The following DAPK1 variants were observed in gnomAD, a reference collection of about 807,000 sequenced individuals.
The protein encoded by DAPK1 is death-associated protein kinase 1.
Under a neutral mutation model 144.9 loss-of-function variants are expected in DAPK1, and 56 were observed. The observed-to-expected ratio is 0.39, with a 90% confidence interval of 0.31 to 0.48. The LOEUF (loss-of-function observed/expected upper bound fraction) is 0.48, where lower values mean the gene tolerates loss of function less well. Ranked by LOEUF, DAPK1 falls within the 20% of genes least tolerant of loss-of-function variation. DAPK1 has a pLI of 0.95. For missense variants in DAPK1, 1,454 were observed against 1,875.4 expected (o/e 0.78, Z 4.15); for synonymous variants, 690 against 749.0 (o/e 0.92, Z 1.29).
intron 2 of DAPK1, among the ~76,000 whole-genome samples, chr9:87,571,476 A>ACCCCAACACAC (rs771023885): frequency 1.6e-4 from 8 of 48,560 alleles, no homozygotes; most frequent in South Asian, 9.8e-4. Flanking sequence ...CACACACACC[A>ACCCCAACACAC]ACACACACAC....
At chr9:87,536,395 G>A (rs1339921197) in intron 2 of DAPK1, among the ~76,000 whole-genome samples, 1 of 152,106 alleles carries the variant, frequency 6.6e-6, no homozygotes, top group Non-Finnish European at 1.5e-5. Context: ...TTATGATGCT[G>A]ACTTTTTCCT....
At chr9:87,629,307 G>A (rs372138538) in intron 3 of DAPK1, among the ~76,000 whole-genome samples, 2 of 152,180 alleles carry the variant, frequency 1.3e-5, no homozygotes, top group African/African-American at 4.8e-5. Flanking sequence ...TACAAGCCCA[G>A]GAGCACAGAG....
intron 3 of DAPK1, among the ~76,000 whole-genome samples, chr9:87,634,435 C>T (rs1587793059): frequency 6.6e-6 from 1 of 152,158 alleles, no homozygotes; most frequent in Non-Finnish European, 1.5e-5. Context: ...GGTTTGGCAT[C>T]GTCGTACTTC....
chr9:87,699,162 C>A (rs1825375199), intron 23 of DAPK1, among the ~76,000 whole-genome samples: 1 of 152,198 alleles, frequency 6.6e-6, no homozygotes, highest in Non-Finnish European at 1.5e-5. Flanking sequence ...TAGGGATGCA[C>A]AACCTTTATT....
chr9:87,636,376 A>C (rs563365672), intron 3 of DAPK1, among the ~76,000 whole-genome samples: 1 of 152,224 alleles, frequency 6.6e-6, no homozygotes, highest in African/African-American at 2.4e-5. Context: ...ATCCCCGTAA[A>C]CCAGTGGGAG....
Position 87,686,800 on chromosome 9 carries a change from A to T in DAPK1, c.2413+61A>T. 1.4e-6 allele frequency: 2 copies of T among 1,429,794 alleles called. No homozygotes were observed. The highest frequency in any genetic ancestry group is 1.9e-5 in the Admixed American group (1 of 51,644). The allele number at this position is 1,429,794 out of a possible 1,614,324, so 88.6% of individuals were successfully genotyped here. ...TTTCCCTTCAACAGGGTTGTAAGTC[A>T]TCCCTAAAGGGAGCTTGTCCTGAGC... On this transcript the variant is annotated intron_variant, in intron 21 of 25. Coordinates refer to ENST00000408954, the MANE Select transcript of DAPK1 (RefSeq NM_004938.4). This position sits in a 1 kb window ranked among gnomAD's most constrained non-coding sequence, Gnocchi z 4.2.
Position 87,698,679 on chromosome 9 carries a change from C to A in DAPK1, c.2635C>A (p.Pro879Thr), listed in dbSNP as rs761149292. Reference protein sequence around the residue: ...PIAFGGKLKNPLQVVLVATHA... With the variant: ...PIAFGGKLKNTLQVVLVATHA... ...AGCCTTCGGTGGCAAGCTGAAGAAC[C>A]CACTCCAAGTTGTCCTGGTGGCCAC... Residue 879 changes from proline (P) to threonine (T), a missense_variant, in exon 23 of 26, where the codon CCA becomes ACA. Physicochemically the swap from Pro to Thr is conservative, Grantham distance 38. Coordinates refer to ENST00000408954, the MANE Select transcript of DAPK1 (RefSeq NM_004938.4). 1.2e-6 allele frequency: 2 copies of A among 1,606,506 alleles called. No individual in the cohort carries two copies. Among genetic ancestry groups the A allele is most frequent in the South Asian group, 1.1e-5 (1 of 90,932 alleles).
chr9:87,581,810 A>T (rs768441743), intron 2 of DAPK1, among the ~76,000 whole-genome samples: 14 of 152,314 alleles, frequency 9.2e-5, no homozygotes, highest in African/African-American at 3.1e-4. Flanking sequence ...CAAACCAGCA[A>T]TTCATCTCAT....
At chr9:87,653,497 G>A (rs1030249269) in intron 17 of DAPK1, among the ~76,000 whole-genome samples, 1 of 151,770 alleles carries the variant, frequency 6.6e-6, no homozygotes, top group Non-Finnish European at 1.5e-5. Flanking sequence ...TGGAAATCCC[G>A]TGTGTGTGTA....
chr9:87,571,033 A>G (rs1827311130), intron 2 of DAPK1, among the ~76,000 whole-genome samples: 1 of 152,200 alleles, frequency 6.6e-6, no homozygotes. Flanking sequence ...TTTGCTCTTG[A>G]AAGTTTAGCA....
intron 2 of DAPK1, among the ~76,000 whole-genome samples, chr9:87,517,602 T>A (rs1173100940): frequency 6.6e-5 from 10 of 152,164 alleles, no homozygotes; most frequent in African/African-American, 4.8e-5. Flanking sequence ...ACTGAAGGAT[T>A]GTAGCCATGG....
chr9:87,527,115 A>G (rs1825540165), intron 2 of DAPK1, among the ~76,000 whole-genome samples: 1 of 152,234 alleles, frequency 6.6e-6, no homozygotes, highest in Non-Finnish European at 1.5e-5. Flanking sequence ...TTCCATAAAC[A>G]TTCTGTAAGA....
chr9:87,647,507 C>T (rs1830311739), intron 14 of DAPK1, 104 bp downstream of exon 14: 1 of 953,922 alleles, frequency 1.0e-6, no homozygotes, highest in Non-Finnish European at 1.7e-6. Flanking sequence ...GGAAAGGAAT[C>T]AGGACCAGAA....
chr9:87,650,226 A>C, intron 16 of DAPK1, 108 bp downstream of exon 16: 1 of 1,048,970 alleles, frequency 9.5e-7, no homozygotes, highest in Non-Finnish European at 1.4e-6. Context: ...TGAATGCAGC[A>C]AACTGTAATT....
chr9:87,576,035 T>A (rs1341685928), intron 2 of DAPK1, among the ~76,000 whole-genome samples: 5 of 152,216 alleles, frequency 3.3e-5, no homozygotes, highest in Non-Finnish European at 5.9e-5. Flanking sequence ...AATGTTTTGC[T>A]TTTTCTCTAA....
At position 87,707,861 on chromosome 9, in the gene DAPK1, C is replaced by T. The variant is rs1487015910; in HGVS notation, c.*497C>T. On this transcript the variant is annotated 3_prime_UTR_variant, in exon 26 of 26. Transcript: ENST00000408954. This position sits in a 1 kb window ranked among gnomAD's most constrained non-coding sequence, Gnocchi z 4.0. ...GGAGAAACTCCCATGTATGGAATCC[C>T]ACTGTATGATTTATAAACAGACAAT... The T allele has an allele frequency of 2.2e-6, 1 of 456,766 alleles. No individual in the cohort carries two copies. Among genetic ancestry groups the T allele is most frequent in the East Asian group, 6.9e-5 (1 of 14,398 alleles). 28.3% of individuals were successfully genotyped at this position (456,766 alleles called of 1,614,324 possible).
At chr9:87,615,198 A>G (rs1273906693) in intron 3 of DAPK1, among the ~76,000 whole-genome samples, 1 of 152,130 alleles carries the variant, frequency 6.6e-6, no homozygotes, top group African/African-American at 2.4e-5. Flanking sequence ...TTTCCTCCTA[A>G]TTTGTATTTC....
chr9:87,698,133 A>G (rs772455608), intron 22 of DAPK1, among the ~76,000 whole-genome samples: 10 of 152,204 alleles, frequency 6.6e-5, no homozygotes, highest in Non-Finnish European at 1.5e-4. Context: ...CTTTCCGGAA[A>G]AGCATATAAT....
intron 2 of DAPK1, among the ~76,000 whole-genome samples, chr9:87,502,694 T>G (rs1412125130): frequency 6.6e-6 from 1 of 152,156 alleles, no homozygotes; most frequent in Non-Finnish European, 1.5e-5. Flanking sequence ...CACAATGAGT[T>G]TCCCCTTTTA....
Sources: gnomAD v4.1 joint callset for allele counts (sites outside exome capture counted in the v4.1 genomes callset) on GRCh38, gnomAD v4.1.1 for gene constraint, Gnocchi (gnomAD v3.1) non-coding constraint, MANE v1.5 for transcripts, NCBI Gene and HGNC (gene_info 2026-07-23, HGNC 2026-07-21) for gene names.